The following PINX1 variants were observed in gnomAD, a reference collection of about 807,000 sequenced individuals.
PINX1 encodes PIN2/TERF1-interacting telomerase inhibitor 1.
A neutral mutation model predicts 25.4 loss-of-function variants in PINX1; 34 were observed. That is an observed-to-expected ratio of 1.34 (90% CI 1.02 to 1.78). The LOEUF (loss-of-function observed/expected upper bound fraction) is 1.78, where lower values mean the gene tolerates loss of function less well. Ranked by LOEUF, PINX1 falls within the 40% of genes most tolerant of loss-of-function variation. The pLI, the probability that PINX1 is intolerant of heterozygous loss-of-function variation, is 0.00. For synonymous variants in PINX1, 197 were observed against 147.7 expected (o/e 1.33, Z -2.42); for missense variants, 592 against 404.9 (o/e 1.46, Z -3.97).
At chr8:10,796,237 A>G (rs930027290) in intron 6 of PINX1, among the ~76,000 whole-genome samples, 1 of 152,220 alleles carries the variant, frequency 6.6e-6, no homozygotes, top group African/African-American at 2.4e-5. Context: ...AACCCAAGAA[A>G]CAGGGCAGCT....
At chr8:10,796,512 G>A (rs1802088964) in intron 6 of PINX1, among the ~76,000 whole-genome samples, 1 of 152,030 alleles carries the variant, frequency 6.6e-6, no homozygotes, top group Admixed American at 6.6e-5. Context: ...GACTGAGCTG[G>A]CCAGGCATGC....
rs1026957791 is a variant in PINX1, at chr8:10,765,078, G to A, written c.*323C>T. 1.5e-5 allele frequency: 4 copies of A among 261,010 alleles called. No individual in the cohort carries two copies. The highest frequency in any genetic ancestry group is 1.1e-4 in the South Asian group (1 of 9,372). 16.2% of individuals were successfully genotyped at this position (261,010 alleles called of 1,614,324 possible). On this transcript the variant is annotated 3_prime_UTR_variant, in exon 7 of 7. Transcript: ENST00000314787. The stretch of plus-strand genomic sequence containing the variant: ...GACACACACACACACACACAGATGC[G>A]CACATGCACACACACGTGTGCACAC...
chr8:10,832,596 A>G (rs1239703167), intron 3 of PINX1, among the ~76,000 whole-genome samples: 1 of 152,234 alleles, frequency 6.6e-6, no homozygotes, highest in African/African-American at 2.4e-5. Context: ...CAATTTACCT[A>G]AAGTAATTTC....
intron 6 of PINX1, among the ~76,000 whole-genome samples, chr8:10,786,852 A>C (rs1801764944): frequency 6.6e-6 from 1 of 152,202 alleles, no homozygotes; most frequent in Non-Finnish European, 1.5e-5. Flanking sequence ...GCCTCTCCCC[A>C]GACAGCCCTC....
At chr8:10,825,718 C>A (rs1380746033) in intron 5 of PINX1, among the ~76,000 whole-genome samples, 1 of 152,166 alleles carries the variant, frequency 6.6e-6, no homozygotes, top group Non-Finnish European at 1.5e-5. Context: ...CTTTATCACA[C>A]TGGAGGTATC....
intron 6 of PINX1, among the ~76,000 whole-genome samples, chr8:10,768,986 CA>C (rs1177881029): frequency 6.6e-6 from 1 of 151,950 alleles, no homozygotes; most frequent in African/African-American, 2.4e-5. Flanking sequence ...CAATACACCT[CA>C]AAAAATAAAA....
chr8:10,832,043 T>C (rs184738631), intron 3 of PINX1, among the ~76,000 whole-genome samples: 117 of 152,328 alleles, frequency 7.7e-4, no homozygotes, highest in Non-Finnish European at 1.2e-3. Flanking sequence ...GTGTGCTAAA[T>C]GTTAAAGTAA....
intron 6 of PINX1, among the ~76,000 whole-genome samples, chr8:10,788,120 T>C (rs74986688): frequency 0.011 from 1,740 of 152,186 alleles, 30 homozygotes; most frequent in African/African-American, 0.039. Flanking sequence ...ATTGCTTCAG[T>C]AATGGGAAAG....
intron 6 of PINX1, among the ~76,000 whole-genome samples, chr8:10,805,903 A>G (rs57213416): frequency 0.034 from 1,909 of 56,660 alleles, 36 homozygotes; most frequent in African/African-American, 0.1. Context: ...TGAGGGGGTG[A>G]CAGAGCACAG....
chr8:10,817,314 T>G (rs1431817593), intron 6 of PINX1, among the ~76,000 whole-genome samples: 4 of 152,124 alleles, frequency 2.6e-5, no homozygotes, highest in Non-Finnish European at 5.9e-5. Context: ...AGCAACAACA[T>G]ACAACATTCC....
intron 6 of PINX1, among the ~76,000 whole-genome samples, chr8:10,797,375 G>C (rs1012926416): frequency 6.6e-6 from 1 of 152,224 alleles, no homozygotes; most frequent in Non-Finnish European, 1.5e-5. Flanking sequence ...TGTGCTGGAA[G>C]ACACTTCTAC....
At chr8:10,811,030 G>C (rs902557539) in intron 6 of PINX1, among the ~76,000 whole-genome samples, 3 of 152,228 alleles carry the variant, frequency 2.0e-5, no homozygotes, top group Admixed American at 2.0e-4. Flanking sequence ...TGAGAGTGTT[G>C]GTGCTGACTG....
At chr8:10,792,374 G>A in intron 6 of PINX1, among the ~76,000 whole-genome samples, 1 of 152,054 alleles carries the variant, frequency 6.6e-6, no homozygotes, top group South Asian at 2.1e-4. Flanking sequence ...CCACCTGAGA[G>A]GGAGATGCCC....
At chr8:10,826,037 A>G in intron 5 of PINX1, 115 bp downstream of exon 5, 2 of 615,242 alleles carry the variant, frequency 3.3e-6, no homozygotes, top group Non-Finnish European at 5.8e-6. Flanking sequence ...ACAGCAATGC[A>G]GTCGGAGCTG....
At chr8:10,806,818 G>C (rs1420430191) in intron 6 of PINX1, among the ~76,000 whole-genome samples, 1 of 152,090 alleles carries the variant, frequency 6.6e-6, no homozygotes, top group African/African-American at 2.4e-5. Flanking sequence ...GCATGTAGGA[G>C]GACCTCCCCA....
Position 10,765,593 on chromosome 8 carries a change from G to C in PINX1, c.795C>G (p.Cys265Trp). 2 of 1,613,642 alleles carry C rather than the reference G, an allele frequency of 1.2e-6. No homozygotes were observed. The highest frequency in any genetic ancestry group is 1.3e-5 in the African/African-American group (1 of 75,068). The change falls in exon 7 of 7, where the codon TGC (cysteine) becomes TGG (tryptophan). Residue 265 changes from cysteine to tryptophan, a missense_variant. Cys to Trp is a radical substitution (Grantham distance 215). Transcript: ENST00000314787. ...APAEEQLRGP[C>W]WDQSSKASAQ... The stretch of plus-strand genomic sequence containing the variant: ...CAGAGGCCTTGGAACTCTGGTCCCA[G>C]CAGGGGCCTCTGAGCTGCTCTTCTG...
chr8:10,814,235 T>A (rs936615865), intron 6 of PINX1, among the ~76,000 whole-genome samples: 1 of 152,190 alleles, frequency 6.6e-6, no homozygotes, highest in Non-Finnish European at 1.5e-5. Context: ...AAATTAGAAA[T>A]GTGCAACCAG....
At chr8:10,779,062 T>C (rs1354122577) in intron 6 of PINX1, among the ~76,000 whole-genome samples, 1 of 152,214 alleles carries the variant, frequency 6.6e-6, no homozygotes, top group Non-Finnish European at 1.5e-5. Context: ...GCTTCCATTT[T>C]GGAATGGAGG....
intron 4 of PINX1, 67 bp from the exon 5 acceptor site, chr8:10,826,311 T>A: frequency 1.2e-6 from 1 of 831,842 alleles, no homozygotes; most frequent in Non-Finnish European, 1.9e-6. Flanking sequence ...CTCCTAACAG[T>A]GGATAGTCTT....
Sources: gnomAD v4.1 joint callset for allele counts (sites outside exome capture counted in the v4.1 genomes callset) on GRCh38, gnomAD v4.1.1 for gene constraint, MANE v1.5 for transcripts, NCBI Gene and HGNC (gene_info 2026-07-23, HGNC 2026-07-21) for gene names.